The following ALDOB variants were observed in gnomAD, a reference collection of about 807,000 sequenced individuals.
ALDOB encodes the protein aldolase, fructose-bisphosphate B, also known as fructose-bisphosphate aldolase B.
A neutral mutation model predicts 41.0 loss-of-function variants in ALDOB; 39 were observed. The observed-to-expected ratio is 0.95, with a 90% CI of 0.74 to 1.24. ALDOB has a LOEUF of 1.24. ALDOB is among the 50% of genes most tolerant of loss of function. ALDOB has a pLI of 0.00. For missense variants in ALDOB, 530 were observed against 457.3 expected, an observed-to-expected ratio of 1.16 and a Z score of -1.45; for synonymous variants, 175 against 168.8, an observed-to-expected ratio of 1.04 and a Z score of -0.28.
chr9:101,427,915 G>A (rs1326693039), intron 4 of ALDOB, among the ~76,000 whole-genome samples: 1 of 152,218 alleles, frequency 6.6e-6, no homozygotes, highest in Non-Finnish European at 1.5e-5. Flanking sequence ...GGTGGAAACT[G>A]AAGCTCCTAA....
At chr9:101,433,938 T>A (rs1831256465) in intron 1 of ALDOB, among the ~76,000 whole-genome samples, 1 of 151,852 alleles carries the variant, frequency 6.6e-6, no homozygotes. Flanking sequence ...CCAGCTATTT[T>A]TTTTTTTATT....
chr9:101,428,190 A>G (rs1165816225), intron 4 of ALDOB, among the ~76,000 whole-genome samples: 1 of 152,172 alleles, frequency 6.6e-6, no homozygotes, highest in African/African-American at 2.4e-5. Flanking sequence ...TTCTTTGTCC[A>G]AGGTACTGTG....
chr9:101,421,752 G>C lies in ALDOB; in HGVS notation c.*57C>G. 7.2e-7 allele frequency: 1 copy of C among 1,390,882 alleles called. No individual in the cohort carries two copies. The highest frequency in any genetic ancestry group is 1.0e-6 in the Non-Finnish European group (1 of 979,254). 86.2% of individuals were successfully genotyped at this position (1,390,882 alleles called of 1,614,324 possible). ...AATTTCCAGGATTGGAGGAAAAGTT[G>C]CTCCCTTTCAGCCCTCCTACTAGAA... On this transcript the variant is annotated 3_prime_UTR_variant, in exon 9 of 9. Transcript: ENST00000647789.
At position 101,427,662 on chromosome 9, in the gene ALDOB, G is replaced by A. The variant is rs770581078; in HGVS notation, c.380-20C>T. 5 of 1,613,798 alleles carry A rather than the reference G, an allele frequency of 3.1e-6. No individual in the cohort carries two copies. In the South Asian group the frequency reaches 5.5e-5, roughly 18 times the overall value. On this transcript the variant is annotated intron_variant, in intron 4 of 8. Transcript: ENST00000647789. ...CAAGCCCTGCAAGTCACAAAAGAGA[G>A]AAAGGCTTCTTTGTACCTTTGTACC...
In ALDOB at chr9:101,428,483, T is replaced by C. The variant is rs149112046; in HGVS notation, c.365A>G (p.Glu122Gly). 2.9e-5 allele frequency: 46 copies of C among 1,613,880 alleles called. No individual in the cohort carries two copies. The Middle Eastern group carries it at 6.6e-4, about 23-fold the overall frequency. The stretch of plus-strand genomic sequence containing the variant: ...AATATCCTTACCTTGAATGGTGGTT[T>C]CTTTGTTTGTTCCTGCAAGAGGAGC... The part of the protein sequence containing the change: ...GGAPLAGTNK[E>G]TTIQGLDGLS... The change falls in exon 4 of 9, where the codon GAA (glutamate) becomes GGA (glycine). Residue 122 changes from glutamate (E) to glycine (G), a missense_variant. Glu to Gly is a moderately conservative substitution (Grantham distance 98, BLOSUM62 -2). Transcript: ENST00000647789.
rs786204598 is a variant in ALDOB at position 101,429,963 on chromosome 9, GTACC to G, written c.113-1_115del. 16 of 1,613,886 alleles carry G rather than the reference GTACC, an allele frequency of 9.9e-6. No individual in the cohort carries two copies. Among genetic ancestry groups the G allele is most frequent in the Non-Finnish European group, 1.4e-5 (16 of 1,179,988 alleles). On this transcript the variant is annotated splice_acceptor_variant and coding_sequence_variant, in exon 3 of 9. Coordinates refer to ENST00000647789, the MANE Select transcript of ALDOB (RefSeq NM_000035.4). LOFTEE classifies it high-confidence loss of function. ...GATCCTCTGCAGGCGGTTCCCCATG[GTACC>G]TATGGTGGGAGGGCCAAGGGCAGCA... is the stretch of plus-strand genomic sequence containing the variant.
intron 6 of ALDOB, among the ~76,000 whole-genome samples, 198 bp downstream of exon 6, chr9:101,426,357 G>A (rs1489371681): frequency 1.3e-5 from 2 of 152,162 alleles, no homozygotes; most frequent in East Asian, 3.8e-4. Flanking sequence ...TCTTGGTACT[G>A]CAACTCCTGT....
chr9:101,433,826 C>T (rs970385), intron 1 of ALDOB, among the ~76,000 whole-genome samples: 95,756 of 151,800 alleles, frequency 0.63, 30,673 homozygotes, highest in Middle Eastern at 0.76. Context: ...CTGGAGTGCA[C>T]TGGCACAATC....
Position 101,429,935 on chromosome 9 carries a change from C to T in ALDOB, c.144G>A (p.Lys48=). 1.2e-6 allele frequency: 2 copies of T among 1,614,140 alleles called. No homozygotes were observed. The highest frequency in any genetic ancestry group is 1.7e-6 in the Non-Finnish European group (2 of 1,180,032). ...GTMGNRLQRI[K]VENTEENRRQ... is the part of the protein sequence containing the mutation. ...GGCGGTTCTCTTCAGTGTTTTCCAC[C>T]TTGATCCTCTGCAGGCGGTTCCCCA... The change falls in exon 3 of 9, where the codon AAG becomes AAA. Residue 48 remains lysine (K), a synonymous_variant. Transcript: ENST00000647789.
At chr9:101,426,474 G>A (rs1831130438) in intron 6 of ALDOB, 81 bp downstream of exon 6, 2 of 879,076 alleles carry the variant, frequency 2.3e-6, no homozygotes, top group East Asian at 4.8e-5. Flanking sequence ...AGATATAACA[G>A]CTGTTATATG....
At position 101,427,446 on chromosome 9, in the gene ALDOB, C is replaced by T. The variant is rs41281037; in HGVS notation, c.540+36G>A. 44,954 of 1,613,064 alleles carry T rather than the reference C, an allele frequency of 0.028. 737 individuals carry two copies. Among genetic ancestry groups the T allele is most frequent in the South Asian group, 0.032 (2,956 of 91,022 alleles). ...AGAAAAGCTCTGAAGAAAACTCTAG[C>T]CTACTCTTTTTCAGCCCAAGGGGAA... On this transcript the variant is annotated intron_variant, in intron 5 of 8. Coordinates refer to ENST00000647789, the MANE Select transcript of ALDOB (RefSeq NM_000035.4).
At position 101,425,595 on chromosome 9, in the gene ALDOB, G is replaced by T; in HGVS notation, c.657C>A (p.Asp219Glu). 2 of 1,614,142 alleles carry T rather than the reference G, an allele frequency of 1.2e-6. No individual in the cohort carries two copies. The highest frequency in any genetic ancestry group is 1.7e-6 in the Non-Finnish European group (2 of 1,180,022). ...GGGTGCCCTCCAGGTAAACATGATG[G>T]TCATTCAGGGCCTTGTAGACAGCAG... is the stretch of plus-strand genomic sequence containing the variant. The part of the protein sequence containing the change: ...VLAAVYKALN[D>E]HHVYLEGTLL... The change falls in exon 7 of 9, where the codon GAC becomes GAA. Residue 219 changes from aspartate to glutamate, a missense_variant. Coordinates refer to ENST00000647789, the MANE Select transcript of ALDOB (RefSeq NM_000035.4).
chr9:101,427,646 C>A lies in ALDOB; in HGVS notation c.380-4G>T, dbSNP rs747876844. ...CGCTCTGAGAGGCCATCAAGCCCTGCAAGTCACAAAAGAGAGAAAGGCTTC... is the reference window on the plus strand; with the variant it reads ...CGCTCTGAGAGGCCATCAAGCCCTGAAAGTCACAAAAGAGAGAAAGGCTTC... On this transcript the variant is annotated splice_polypyrimidine_tract_variant and splice_region_variant and intron_variant, in intron 4 of 8. Transcript: ENST00000647789. 1.2e-6 allele frequency: 2 copies of A among 1,614,020 alleles called. No homozygotes were observed. The highest frequency in any genetic ancestry group is 1.7e-5 in the Admixed American group (1 of 60,020).
rs200585150 is a variant in ALDOB at position 101,429,815 on chromosome 9, G to T, written c.264C>A (p.Asp88Glu). 2.0e-4 allele frequency: 318 copies of T among 1,614,144 alleles called. 2 individuals carry two copies. The South Asian group carries it at 3.3e-3, about 17-fold the overall frequency. ...ILFHETLYQKDSQGKLFRNIL... is the reference protein window; with the variant it reads ...ILFHETLYQKESQGKLFRNIL... ...TGTTTCTGAACAGCTTTCCCTGGCT[G>T]TCCTTCTGGTAGAGGGTCTCGTGGA... The change falls in exon 3 of 9, where the codon GAC becomes GAA. Residue 88 changes from aspartate (D) to glutamate (E), a missense_variant. Physicochemically the swap from Asp to Glu is conservative, Grantham distance 45 (BLOSUM62 2). Coordinates refer to ENST00000647789, the MANE Select transcript of ALDOB (RefSeq NM_000035.4).
At chr9:101,429,728 A>T (rs774568060) in intron 3 of ALDOB, 27 bp downstream of exon 3, 4 of 1,608,616 alleles carry the variant, frequency 2.5e-6, no homozygotes, top group Non-Finnish European at 3.4e-6. Flanking sequence ...GACAAAGCAG[A>T]AGTGAGGTGT....
chr9:101,424,288 G>A (rs558195198), intron 8 of ALDOB, among the ~76,000 whole-genome samples: 46 of 152,212 alleles, frequency 3.0e-4, no homozygotes, highest in Admixed American at 2.1e-3. Flanking sequence ...GTATGGTGGC[G>A]CATGCCTCTA....
chr9:101,433,651 A>C (rs1180216405), intron 1 of ALDOB, among the ~76,000 whole-genome samples: 1 of 152,250 alleles, frequency 6.6e-6, no homozygotes, highest in Non-Finnish European at 1.5e-5. Context: ...TTTTAATTAA[A>C]AAATGATATA....
Position 101,430,986 on chromosome 9 carries a change from G to C in ALDOB, c.-10-89C>G. On this transcript the variant is annotated intron_variant, in intron 1 of 8. Coordinates refer to ENST00000647789, the MANE Select transcript of ALDOB (RefSeq NM_000035.4). ...AGACAGTTGGGGGTGCAGACATGCT[G>C]TGCAGACCTCTGTGACACCTCTGAC... The C allele has an allele frequency of 4.5e-6, 4 of 885,038 alleles. No individual in the cohort carries two copies. The South Asian group carries it at 5.5e-5, about 12-fold the overall frequency. 54.8% of individuals were successfully genotyped at this position (885,038 alleles called of 1,614,324 possible).
rs145252200 is a variant in ALDOB at position 101,427,621 on chromosome 9, C to T, written c.401G>A (p.Arg134His). ...ACCATCTTTCTTGTACTGAGCACAG[C>T]GCTCTGAGAGGCCATCAAGCCCTGC... The part of the protein sequence containing the change: ...TIQGLDGLSE[R>H]CAQYKKDGVD... Residue 134 changes from arginine (R) to histidine (H), a missense_variant, in exon 5 of 9, where the codon CGC becomes CAC. Coordinates refer to ENST00000647789, the MANE Select transcript of ALDOB (RefSeq NM_000035.4). 66 of 1,614,114 alleles carry T rather than the reference C, an allele frequency of 4.1e-5. No individual in the cohort carries two copies. Among genetic ancestry groups the T allele is most frequent in the East Asian group, 2.9e-4 (13 of 44,868 alleles).
Sources: allele counts gnomAD v4.1 joint callset (sites outside exome capture counted in the v4.1 genomes callset), GRCh38; gene constraint gnomAD v4.1.1; transcripts MANE v1.5; gene names NCBI Gene and HGNC (gene_info 2026-07-23, HGNC 2026-07-21).